Variants in RBSN observed in about 807,000 individuals in gnomAD.
RBSN encodes the protein rabenosyn-5.
RBSN carries 34 observed loss-of-function variants against 60.5 expected under a neutral mutation model. The ratio of observed to expected loss-of-function variants is 0.56; its 90% confidence interval spans 0.43 to 0.75. RBSN has a LOEUF of 0.75. Ranked by LOEUF, RBSN falls within the 30% of genes least tolerant of loss-of-function variation. The pLI, the probability that RBSN is intolerant of heterozygous loss-of-function variation, is 0.00. For synonymous variants in RBSN, 322 were observed against 366.9 expected, an observed-to-expected ratio of 0.88 and a Z score of 1.40; for missense variants, 845 against 986.8, an observed-to-expected ratio of 0.86 and a Z score of 1.92.
At chr3:15,095,666 C>T in intron 4 of RBSN, 1 of 516,520 alleles carries the variant, frequency 1.9e-6, no homozygotes, top group Non-Finnish European at 3.4e-6. Context: ...AACAGTCAAG[C>T]CAGATCACAG....
At chr3:15,091,672 A>C (rs572819934) in intron 4 of RBSN, among the ~76,000 whole-genome samples, 1 of 152,382 alleles carries the variant, frequency 6.6e-6, no homozygotes, top group Admixed American at 6.5e-5. Context: ...AAACGACATC[A>C]AAGACAGGGA....
intron 5 of RBSN, among the ~76,000 whole-genome samples, chr3:15,088,449 G>A (rs988261936): frequency 7.9e-5 from 12 of 151,578 alleles, no homozygotes; most frequent in African/African-American, 7.3e-5. Flanking sequence ...GTGCAATCTC[G>A]GCTCACTGTA....
At chr3:15,079,921 G>T (rs936767374) in intron 10 of RBSN, among the ~76,000 whole-genome samples, 1 of 152,168 alleles carries the variant, frequency 6.6e-6, no homozygotes, top group Non-Finnish European at 1.5e-5. Flanking sequence ...AAAGGTTAGG[G>T]TGTGTGAACT....
intron 6 of RBSN, 34 bp downstream of exon 6, chr3:15,085,827 G>T: frequency 6.5e-7 from 1 of 1,529,004 alleles, no homozygotes; most frequent in Non-Finnish European, 9.1e-7. Flanking sequence ...ATGTGTATTT[G>T]TAGAAAAAAA....
chr3:15,072,001 T>C lies in RBSN; in HGVS notation c.*1781A>G, dbSNP rs1219092188. ...AATTAACAATTTCCCTTTCTGGCCT[T>C]AATTGACCAACAGTTTAAGTACTGT... On this transcript the variant is annotated 3_prime_UTR_variant, in exon 14 of 14. Transcript: ENST00000253699. 3 of 152,700 alleles carry C rather than the reference T, an allele frequency of 2.0e-5. No individual in the cohort carries two copies. Among genetic ancestry groups the C allele is most frequent in the Non-Finnish European group, 2.9e-5 (2 of 68,040 alleles). 9.5% of individuals were successfully genotyped at this position (152,700 alleles called of 1,614,324 possible). A position where few individuals can be genotyped will look rare whatever the true frequency, so the allele number is the denominator to read the frequency against.
rs1197270419 is a variant in RBSN at position 15,082,264 on chromosome 3, C to T, written c.840+103G>A. On this transcript the variant is annotated intron_variant, in intron 9 of 13. Transcript: ENST00000253699. The surrounding 1 kb of genome is among the most constrained non-coding windows in gnomAD (Gnocchi z 4.2). ...TAACAGGAACTACAAATAATTCAAA[C>T]GAACAACTTCCCAAAGCATTCTCCA... 2.1e-5 allele frequency: 31 copies of T among 1,469,532 alleles called. No homozygotes were observed. The highest frequency in any genetic ancestry group is 1.8e-4 in the Middle Eastern group (1 of 5,612). The allele number at this position is 1,469,532 out of a possible 1,614,324, so 91.0% of individuals were successfully genotyped here.
At position 15,074,466 on chromosome 3, in the gene RBSN, A is replaced by T; in HGVS notation, c.1671T>A (p.Phe557Leu). The T allele has an allele frequency of 6.2e-7, 1 of 1,614,196 alleles. No homozygotes were observed. The highest frequency in any genetic ancestry group is 8.5e-7 in the Non-Finnish European group (1 of 1,180,030). ...GAGGCTCTCTGCTGGGCTCCAGCTG[A>T]AAAGGGCCGATTTCTCTGAAGTCCA... ...RSLDFREIGP[F>L]QLEPSREPRT... The change falls in exon 14 of 14, where the codon TTT becomes TTA. Residue 557 changes from phenylalanine to leucine, a missense_variant. By Grantham distance (22) the Phe-to-Leu change is conservative (BLOSUM62 0). Transcript: ENST00000253699. This position sits in a 1 kb window ranked among gnomAD's most constrained non-coding sequence, Gnocchi z 6.4.
rs1266346177 is a variant in RBSN, at chr3:15,072,274, C to G, written c.*1508G>C. On this transcript the variant is annotated 3_prime_UTR_variant, in exon 14 of 14. Transcript: ENST00000253699. ...AGGCGTGGTGGCCCACGCCTGTAAT[C>G]CTAGCTATTCAGGGGGCTGAGGCAC... 2 of 152,222 alleles carry G rather than the reference C, an allele frequency of 1.3e-5. No individual in the cohort carries two copies. The highest frequency in any genetic ancestry group is 2.9e-5 in the Non-Finnish European group (2 of 68,062). The allele number at this position is 152,222 out of a possible 1,614,324, so 9.4% of individuals were successfully genotyped here.
At chr3:15,097,692 G>A (rs2043698469) in intron 2 of RBSN, among the ~76,000 whole-genome samples, 1 of 152,010 alleles carries the variant, frequency 6.6e-6, no homozygotes, top group South Asian at 2.1e-4. Context: ...CACAAAAGCA[G>A]AGAAATTTCT....
chr3:15,080,522 C>G (rs993594354), intron 10 of RBSN, among the ~76,000 whole-genome samples: 1 of 152,142 alleles, frequency 6.6e-6, no homozygotes, highest in Non-Finnish European at 1.5e-5. Flanking sequence ...TCTACAAGCT[C>G]ATGTGATGGT....
intron 5 of RBSN, 150 bp from the exon 6 acceptor site, chr3:15,086,111 AAAAT>A: frequency 2.0e-6 from 1 of 494,198 alleles, no homozygotes; most frequent in East Asian, 3.6e-5. Flanking sequence ...AAAAAAAAAA[AAAAT>A]AGTCAGGCAT....
At chr3:15,092,630 T>C (rs1401036901) in intron 4 of RBSN, among the ~76,000 whole-genome samples, 1 of 152,160 alleles carries the variant, frequency 6.6e-6, no homozygotes, top group East Asian at 1.9e-4. Flanking sequence ...CAGGCTGGTC[T>C]TAAACTCCTG....
In RBSN at chr3:15,070,913, C is replaced by T. The variant is rs1223820458; in HGVS notation, c.*2869G>A. 1.3e-5 allele frequency: 2 copies of T among 152,640 alleles called. No individual in the cohort carries two copies. Among genetic ancestry groups the T allele is most frequent in the African/African-American group, 2.4e-5 (1 of 41,432 alleles). The allele number at this position is 152,640 out of a possible 1,614,324, so 9.5% of individuals were successfully genotyped here. A position where few individuals can be genotyped will look rare whatever the true frequency, so the allele number is the denominator to read the frequency against. On this transcript the variant is annotated 3_prime_UTR_variant, in exon 14 of 14. Coordinates refer to ENST00000253699, the MANE Select transcript of RBSN (RefSeq NM_022340.4). ...TCTTGGCTCACTGCAACCTCCGCCTCCCAGGTTCAAGCGATTCTCGTGCCT... is the reference window on the plus strand; with the variant it reads ...TCTTGGCTCACTGCAACCTCCGCCTTCCAGGTTCAAGCGATTCTCGTGCCT...
chr3:15,078,475 T>C (rs1196754475), intron 10 of RBSN, among the ~76,000 whole-genome samples: 1 of 152,062 alleles, frequency 6.6e-6, no homozygotes, highest in African/African-American at 2.4e-5. Flanking sequence ...CCACTATATC[T>C]AACAAGATGT....
chr3:15,075,089 T>C (rs2043020987), intron 13 of RBSN, 159 bp from the exon 14 acceptor site: 4 of 888,562 alleles, frequency 4.5e-6, no homozygotes, highest in Admixed American at 2.9e-5. Flanking sequence ...AGTCATGTTT[T>C]TGTGTATATG....
At chr3:15,083,177 C>A (rs1233956462) in intron 8 of RBSN, among the ~76,000 whole-genome samples, 1 of 152,088 alleles carries the variant, frequency 6.6e-6, no homozygotes, top group Admixed American at 6.5e-5. Flanking sequence ...ACAGCAGCTG[C>A]CCAGTAAATG....
chr3:15,092,520 T>C lies in RBSN; in HGVS notation c.149-1981A>G, dbSNP rs138684939. Among the ~76,000 whole-genome samples, 917 of 152,292 alleles carry C rather than the reference T, an allele frequency of 6.0e-3. 12 individuals carry two copies. Among genetic ancestry groups the C allele is most frequent in the African/African-American group, 0.021 (862 of 41,570 alleles). On this transcript the variant is annotated intron_variant, in intron 4 of 13. Coordinates refer to ENST00000253699, the MANE Select transcript of RBSN (RefSeq NM_022340.4). ...CTTCCAGGGGTTCAAGGGATGCTCC[T>C]GCCTCAGCCTCCCGAGTAGCTGAAA...
rs113977296 is a variant in RBSN at position 15,074,957 on chromosome 3, G to C, written c.1207-27C>G. ...TGGGGAGAGAGCAAAGCAGAGAGAA[G>C]AAACAGTCACTATGCTGGCAGCAGC... On this transcript the variant is annotated intron_variant, in intron 13 of 13. Coordinates refer to ENST00000253699, the MANE Select transcript of RBSN (RefSeq NM_022340.4). The surrounding 1 kb of genome is among the most constrained non-coding windows in gnomAD (Gnocchi z 6.4). The C allele has an allele frequency of 5.4e-5, 85 of 1,578,772 alleles. No homozygotes were observed. In the African/African-American group the frequency reaches 9.8e-4, roughly 18 times the overall value.
intron 5 of RBSN, among the ~76,000 whole-genome samples, chr3:15,089,478 CAA>C (rs796324060): frequency 1.3e-5 from 1 of 79,264 alleles, no homozygotes; most frequent in African/African-American, 4.9e-5. Context: ...AAAAAAAAAA[CAA>C]AAAAAAAAAA....
Sources: allele counts gnomAD v4.1 joint callset (sites outside exome capture counted in the v4.1 genomes callset), GRCh38; gene constraint gnomAD v4.1.1; non-coding constraint Gnocchi (gnomAD v3.1); transcripts MANE v1.5; gene names NCBI Gene and HGNC (gene_info 2026-07-23, HGNC 2026-07-21).